The following NCOA6 variants were observed in gnomAD, a reference collection of about 807,000 sequenced individuals.
NCOA6 encodes NRC RAP250.
In NCOA6, 49 loss-of-function variants were observed where a neutral mutation model predicts 171.4. The observed-to-expected ratio is 0.29, with a 90% CI of 0.23 to 0.36. The LOEUF (loss-of-function observed/expected upper bound fraction) is 0.36, where lower values mean the gene tolerates loss of function less well. NCOA6 is among the 10% of genes least tolerant of loss of function. The probability of loss-of-function intolerance (pLI) is 1.00; values close to 1 mark genes in which losing one functional copy is unlikely to be tolerated. For synonymous variants in NCOA6, 910 were observed against 927.5 expected (o/e 0.98, Z 0.34); for missense variants, 2,248 against 2,554.5 (o/e 0.88, Z 2.59).
At chr20:34,769,865 G>C (rs1449125701) in intron 4 of NCOA6, among the ~76,000 whole-genome samples, 1 of 152,188 alleles carries the variant, frequency 6.6e-6, no homozygotes, top group East Asian at 1.9e-4. Context: ...TATTGTAAGA[G>C]AGCACCACCT....
At chr20:34,747,239 A>G (rs933325787) in intron 9 of NCOA6, among the ~76,000 whole-genome samples, 3 of 152,240 alleles carry the variant, frequency 2.0e-5, no homozygotes, top group Admixed American at 2.0e-4. Context: ...TCATAGGACT[A>G]TCAATGTTAC....
chr20:34,747,071 A>C lies in NCOA6; in HGVS notation c.2793-143T>G. 3 of 833,602 alleles carry C rather than the reference A, an allele frequency of 3.6e-6. No individual in the cohort carries two copies. In the South Asian group the frequency reaches 1.1e-4, roughly 31 times the overall value. 51.6% of individuals were successfully genotyped at this position (833,602 alleles called of 1,614,324 possible). A position where few individuals can be genotyped will look rare whatever the true frequency, so the allele number is the denominator to read the frequency against. On this transcript the variant is annotated intron_variant, in intron 9 of 14. Coordinates refer to ENST00000359003, the MANE Select transcript of NCOA6 (RefSeq NM_014071.5). ...TATTCATCTCTCTCTAGTCTAGATAAAATATTAAATATTGGCATAAAAATA... is the reference window on the plus strand; with the variant it reads ...TATTCATCTCTCTCTAGTCTAGATACAATATTAAATATTGGCATAAAAATA...
chr20:34,754,194 T>C (rs1458184191), intron 8 of NCOA6, among the ~76,000 whole-genome samples: 2 of 152,196 alleles, frequency 1.3e-5, no homozygotes. Context: ...AAAGTTGCAG[T>C]TGTCCAAACA....
At position 34,743,260 on chromosome 20, in the gene NCOA6, TGTGGTGGGG is replaced by T; in HGVS notation, c.2987_2995del (p.Pro996_Pro998del). 1.2e-6 allele frequency: 2 copies of T among 1,613,988 alleles called. No homozygotes were observed. Among genetic ancestry groups the T allele is most frequent in the East Asian group, 4.5e-5 (2 of 44,886 alleles). On this transcript the variant is annotated inframe_deletion, in exon 11 of 15. Transcript: ENST00000359003. ...TGGCTGTGGCTGCTGCTGTGGTGGCTGTGGTGGGGGTGCCACATGCTGCATGAGTTGAGG... is the reference window on the plus strand; with the variant it reads ...TGGCTGTGGCTGCTGCTGTGGTGGCTGTGCCACATGCTGCATGAGTTGAGG...
intron 14 of NCOA6, among the ~76,000 whole-genome samples, chr20:34,721,303 G>C (rs961761307): frequency 2.0e-5 from 3 of 149,842 alleles, no homozygotes; most frequent in Non-Finnish European, 4.4e-5. Flanking sequence ...TGAATTCAGG[G>C]GCTTCCCAGA....
At chr20:34,768,269 G>C (rs2077039100) in intron 5 of NCOA6, among the ~76,000 whole-genome samples, 195 bp downstream of exon 5, 1 of 152,228 alleles carries the variant, frequency 6.6e-6, no homozygotes, top group Non-Finnish European at 1.5e-5. Flanking sequence ...TTAAGCACGA[G>C]ACCAAAAGAT....
At chr20:34,728,739 GATTA>G (rs1469335213) in intron 13 of NCOA6, among the ~76,000 whole-genome samples, 8 of 152,160 alleles carry the variant, frequency 5.3e-5, no homozygotes, top group Non-Finnish European at 1.0e-4. Context: ...AACGATAGTA[GATTA>G]GTTAGCTAAA....
At chr20:34,767,604 C>T (rs2077018573) in intron 5 of NCOA6, among the ~76,000 whole-genome samples, 1 of 152,156 alleles carries the variant, frequency 6.6e-6, no homozygotes, top group Non-Finnish European at 1.5e-5. Context: ...CCAAGACTAG[C>T]ATCTTATAAA....
intron 13 of NCOA6, among the ~76,000 whole-genome samples, chr20:34,730,427 C>CA (rs1031883705): frequency 1.3e-5 from 2 of 152,052 alleles, no homozygotes; most frequent in Admixed American, 6.6e-5. Context: ...CCTGGCAAAA[C>CA]AAAAGCCACA....
chr20:34,758,375 T>C (rs1037146876), intron 6 of NCOA6, among the ~76,000 whole-genome samples: 1 of 152,192 alleles, frequency 6.6e-6, no homozygotes, highest in Non-Finnish European at 1.5e-5. Flanking sequence ...CTATGTTAAT[T>C]AGCATTATAA....
At chr20:34,808,624 G>A (rs2078543880) in intron 1 of NCOA6, among the ~76,000 whole-genome samples, 1 of 152,040 alleles carries the variant, frequency 6.6e-6, no homozygotes, top group Admixed American at 6.6e-5. Flanking sequence ...TTTTAGTAGA[G>A]ACAGGGCTTC....
At chr20:34,800,358 A>G (rs1057418475) in intron 1 of NCOA6, among the ~76,000 whole-genome samples, 4 of 152,164 alleles carry the variant, frequency 2.6e-5, no homozygotes, top group Admixed American at 1.3e-4. Flanking sequence ...AACGGCAGGA[A>G]TAAGTCCTTA....
chr20:34,717,170 G>A (rs1385892397), intron 14 of NCOA6, among the ~76,000 whole-genome samples: 2 of 152,240 alleles, frequency 1.3e-5, no homozygotes, highest in African/African-American at 4.8e-5. Context: ...TGAGGCCTAG[G>A]CCAGGCGTGG....
chr20:34,800,498 C>A (rs2078221913), intron 1 of NCOA6, among the ~76,000 whole-genome samples: 1 of 152,024 alleles, frequency 6.6e-6, no homozygotes, highest in Admixed American at 6.6e-5. Flanking sequence ...ACACACTTCA[C>A]CTACAAAGAC....
chr20:34,736,655 C>A, intron 12 of NCOA6, 35 bp downstream of exon 12: 1 of 1,563,616 alleles, frequency 6.4e-7, no homozygotes, highest in Non-Finnish European at 8.7e-7. Flanking sequence ...TGTAACCCAT[C>A]CCACTCCAAG....
intron 4 of NCOA6, among the ~76,000 whole-genome samples, chr20:34,775,846 T>A (rs1460669927): frequency 6.6e-6 from 1 of 152,062 alleles, no homozygotes; most frequent in Non-Finnish European, 1.5e-5. Flanking sequence ...TACAGTGGTA[T>A]AGGTGTAGTC....
chr20:34,750,242 T>C lies in NCOA6; in HGVS notation c.1953A>G (p.Ser651=). ...TLNPQNPMIL[S]RAQLMPQGQM... is the part of the protein sequence containing the mutation. ...GGCCCTGTGGCATAAGCTGGGCCCT[T>C]GAAAGGATCATAGGGTTCTGAGGGT... Residue 651 remains serine (S), a synonymous_variant, in exon 9 of 15, where the codon TCA becomes TCG. Coordinates refer to ENST00000359003, the MANE Select transcript of NCOA6 (RefSeq NM_014071.5). The C allele has an allele frequency of 6.2e-7, 1 of 1,610,794 alleles. No homozygotes were observed. Among genetic ancestry groups the C allele is most frequent in the African/African-American group, 1.3e-5 (1 of 74,840 alleles).
chr20:34,732,991 A>G, intron 12 of NCOA6: 1 of 169,614 alleles, frequency 5.9e-6, no homozygotes, highest in South Asian at 1.4e-4. Context: ...ATCTTCAAAT[A>G]TGTCTTGAAC....
At chr20:34,801,119 G>C (rs2078241846) in intron 1 of NCOA6, among the ~76,000 whole-genome samples, 1 of 152,162 alleles carries the variant, frequency 6.6e-6, no homozygotes, top group Non-Finnish European at 1.5e-5. Context: ...GTGGGTCCAT[G>C]AGGAAATTAA....
Sources: gnomAD v4.1 joint callset for allele counts (sites outside exome capture counted in the v4.1 genomes callset) on GRCh38, gnomAD v4.1.1 for gene constraint, MANE v1.5 for transcripts, NCBI Gene and HGNC (gene_info 2026-07-23, HGNC 2026-07-21) for gene names.